NAALADL2: variants seen among roughly 807,000 people sequenced by gnomAD.
NAALADL2 encodes N-acetylated alpha-linked acidic dipeptidase like 2.
Under a neutral mutation model 87.2 loss-of-function variants are expected in NAALADL2, and 76 were observed. That is an observed-to-expected ratio of 0.87 (90% CI 0.72 to 1.05). NAALADL2 has a LOEUF of 1.05. Ranked by LOEUF, NAALADL2 falls within the 50% of genes least tolerant of loss-of-function variation. The probability of loss-of-function intolerance (pLI) is 0.00; values close to 1 mark genes in which losing one functional copy is unlikely to be tolerated. For missense variants in NAALADL2, 1,089 were observed against 945.8 expected (o/e 1.15, Z -1.99); for synonymous variants, 354 against 331.0 (o/e 1.07, Z -0.75).
chr3:175,149,111 T>C lies in NAALADL2; in HGVS notation c.545+51820T>C, dbSNP rs147777957. ...CAGTGTTTTTCCTTTTTTGTGTGTG[T>C]CATCTGTGATTTCTTTCAGCAGTGT... On this transcript the variant is annotated intron_variant, in intron 2 of 13. Coordinates refer to ENST00000454872, the MANE Select transcript of NAALADL2 (RefSeq NM_207015.3). Among the ~76,000 whole-genome samples the C allele has an allele frequency of 2.6e-3, 398 of 152,302 alleles. 1 individual carries two copies. The highest frequency in any genetic ancestry group is 9.2e-3 in the African/African-American group (384 of 41,576).
intron 2 of NAALADL2, among the ~76,000 whole-genome samples, chr3:175,206,267 T>A (rs1740845683): frequency 3.0e-5 from 3 of 100,054 alleles, no homozygotes; most frequent in African/African-American, 9.1e-5. Context: ...TATATATTTT[T>A]TTTTTTCACT....
intron 1 of NAALADL2, among the ~76,000 whole-genome samples, chr3:174,886,097 T>C (rs911893102): frequency 2.0e-5 from 3 of 151,610 alleles, no homozygotes; most frequent in Non-Finnish European, 4.4e-5. Context: ...GTATTTTTAG[T>C]AGAGATGGGG....
intron 9 of NAALADL2, among the ~76,000 whole-genome samples, chr3:175,541,154 A>G (rs1166532846): frequency 6.6e-6 from 1 of 152,164 alleles, no homozygotes; most frequent in Non-Finnish European, 1.5e-5. Context: ...CGAATCCTTC[A>G]ATCCCTTCAC....
intron 13 of NAALADL2, among the ~76,000 whole-genome samples, chr3:175,771,434 T>C (rs1450022092): frequency 6.6e-6 from 1 of 152,186 alleles, no homozygotes; most frequent in African/African-American, 2.4e-5. Flanking sequence ...GTGGCTTTCA[T>C]AACAAATTGC....
intron 2 of NAALADL2, among the ~76,000 whole-genome samples, chr3:175,200,109 A>G (rs892811416): frequency 6.6e-6 from 1 of 151,400 alleles, no homozygotes; most frequent in African/African-American, 2.4e-5. Context: ...GTCACCATCA[A>G]TTTGTTTGAA....
chr3:174,804,883 T>C (rs2109266906), intron 3 of NAALADL2, among the ~76,000 whole-genome samples: 3 of 152,322 alleles, frequency 2.0e-5, no homozygotes, highest in Middle Eastern at 3.4e-3. Context: ...GATGTTATAC[T>C]CATCTAATTT....
chr3:175,115,557 G>A (rs1341246641), intron 2 of NAALADL2, among the ~76,000 whole-genome samples: 1 of 151,594 alleles, frequency 6.6e-6, no homozygotes, highest in East Asian at 1.9e-4. Flanking sequence ...TTGTGTAAAA[G>A]AGAATGCTAT....
chr3:175,619,716 A>G (rs781553417), intron 10 of NAALADL2, among the ~76,000 whole-genome samples: 7 of 152,136 alleles, frequency 4.6e-5, no homozygotes, highest in Non-Finnish European at 4.4e-5. Context: ...AACATTGTAT[A>G]TAAGAACACA....
In NAALADL2 at chr3:175,126,829, C is replaced by A. The variant is rs560372114; in HGVS notation, c.545+29538C>A. Among the ~76,000 whole-genome samples, 40 of 149,058 alleles carry A rather than the reference C, an allele frequency of 2.7e-4. 1 individual carries two copies. In the South Asian group the frequency reaches 7.4e-3, roughly 28 times the overall value. On this transcript the variant is annotated intron_variant, in intron 2 of 13. Coordinates refer to ENST00000454872, the MANE Select transcript of NAALADL2 (RefSeq NM_207015.3). Reference sequence around the variant, plus strand: ...ACCAAAAGGGATTAAGTATTTTTCCCAAGGGCATTCAACTTGTTCAAGCTA... The same window carrying A: ...ACCAAAAGGGATTAAGTATTTTTCCAAAGGGCATTCAACTTGTTCAAGCTA...
intron 1 of NAALADL2, among the ~76,000 whole-genome samples, chr3:175,031,144 A>G (rs768725551): frequency 3.3e-5 from 5 of 151,986 alleles, no homozygotes; most frequent in Non-Finnish European, 7.4e-5. Context: ...TTCAACTTTA[A>G]TTTTAGAATG....
chr3:174,914,883 A>G (rs1197009210), intron 1 of NAALADL2, among the ~76,000 whole-genome samples: 1 of 152,210 alleles, frequency 6.6e-6, no homozygotes, highest in Admixed American at 6.5e-5. Context: ...TATCAGGTAC[A>G]TCTAATACAA....
intron 9 of NAALADL2, among the ~76,000 whole-genome samples, chr3:175,517,019 C>T (rs1158465960): frequency 1.3e-5 from 2 of 152,172 alleles, no homozygotes; most frequent in African/African-American, 4.8e-5. Context: ...TCTTCAAGAA[C>T]AACTCTTCTT....
chr3:174,729,882 A>T (rs1166163736), intron 2 of NAALADL2, among the ~76,000 whole-genome samples: 2 of 151,314 alleles, frequency 1.3e-5, no homozygotes, highest in African/African-American at 2.5e-5. Context: ...AAGATGAATA[A>T]AAGAAAAAAG....
intron 11 of NAALADL2, among the ~76,000 whole-genome samples, chr3:175,655,194 A>C (rs1039993065): frequency 2.0e-5 from 3 of 152,064 alleles, no homozygotes; most frequent in Non-Finnish European, 4.4e-5. Context: ...ATTTTTATAA[A>C]ATTTTACTTC....
intron 11 of NAALADL2, chr3:175,718,100 G>T (rs894157352): frequency 1.4e-6 from 1 of 733,318 alleles, no homozygotes; most frequent in East Asian, 2.9e-5. Context: ...TTCCTTTCCA[G>T]TACTTTGAGG....
intron 4 of NAALADL2, among the ~76,000 whole-genome samples, chr3:175,273,184 A>G (rs1753108293): frequency 6.6e-6 from 1 of 152,074 alleles, no homozygotes; most frequent in African/African-American, 2.4e-5. Context: ...AGGTTTATGA[A>G]TATATATGAA....
intron 10 of NAALADL2, among the ~76,000 whole-genome samples, chr3:175,589,487 T>C (rs1245928231): frequency 6.6e-6 from 1 of 151,988 alleles, no homozygotes; most frequent in African/African-American, 2.4e-5. Context: ...TTTTTTAAAT[T>C]TCTACCTTTA....
At chr3:175,612,519 T>C (rs1724787408) in intron 10 of NAALADL2, among the ~76,000 whole-genome samples, 1 of 152,160 alleles carries the variant, frequency 6.6e-6, no homozygotes, top group Admixed American at 6.5e-5. Flanking sequence ...ATTTGACGAA[T>C]GTATTTGTTT....
At chr3:175,430,861 T>C (rs898402563) in intron 5 of NAALADL2, among the ~76,000 whole-genome samples, 2 of 152,112 alleles carry the variant, frequency 1.3e-5, no homozygotes, top group African/African-American at 4.8e-5. Flanking sequence ...TATAATTTCC[T>C]GTTGCTTATG....
Sources: gnomAD v4.1 joint callset for allele counts (sites outside exome capture counted in the v4.1 genomes callset) on GRCh38, gnomAD v4.1.1 for gene constraint, MANE v1.5 for transcripts, NCBI Gene and HGNC (gene_info 2026-07-23, HGNC 2026-07-21) for gene names.